The following GALNT13 variants were observed in gnomAD, a reference collection of about 807,000 sequenced individuals.
GALNT13 encodes the protein polypeptide N-acetylgalactosaminyltransferase 13.
Under a neutral mutation model 64.2 loss-of-function variants are expected in GALNT13, and 28 were observed. That is an observed-to-expected ratio of 0.44 (90% CI 0.32 to 0.60). The LOEUF is 0.60. Ranked by LOEUF, GALNT13 falls within the 20% of genes least tolerant of loss-of-function variation. GALNT13 has a pLI of 0.05. For missense variants in GALNT13, 577 were observed against 669.8 expected (o/e 0.86, Z 1.53); for synonymous variants, 214 against 224.6 (o/e 0.95, Z 0.42).
chr2:153,414,468 G>A, the GALNT13 span, among the ~76,000 whole-genome samples: 2,182 of 150,066 alleles, frequency 0.015, 48 homozygotes, highest in African/African-American at 0.05. Flanking sequence ...TAGAAACACA[G>A]GATAAAAAGA....
At chr2:154,005,941 A>T (rs1696220676) in intron 3 of GALNT13, among the ~76,000 whole-genome samples, 1 of 152,186 alleles carries the variant, frequency 6.6e-6, no homozygotes, top group Non-Finnish European at 1.5e-5. Flanking sequence ...CAAGGACCAT[A>T]TAATGAGTAG....
At chr2:153,392,987 A>T in the GALNT13 span, among the ~76,000 whole-genome samples, 1 of 152,070 alleles carries the variant, frequency 6.6e-6, no homozygotes, top group Non-Finnish European at 1.5e-5. Context: ...GTAAGCCCTC[A>T]GAAGACACTG....
At chr2:153,091,727 G>A in the GALNT13 span, among the ~76,000 whole-genome samples, 1 of 152,146 alleles carries the variant, frequency 6.6e-6, no homozygotes, top group Non-Finnish European at 1.5e-5. Flanking sequence ...AGCTCCTTAT[G>A]TAGTCTGGTT....
chr2:153,893,121 T>A lies in GALNT13; in HGVS notation c.-176-7815T>A, dbSNP rs114428219. Among the ~76,000 whole-genome samples, 306 of 152,200 alleles carry A rather than the reference T, an allele frequency of 2.0e-3. 1 individual carries two copies. The highest frequency in any genetic ancestry group is 6.6e-3 in the African/African-American group (275 of 41,554). On this transcript the variant is annotated intron_variant, in intron 1 of 12. Transcript: ENST00000392825. ...GGTTCCAATCATTATAACTACATTTTGAACAGGCGAAGGTCAAAGAGCATA... is the reference window on the plus strand; with the variant it reads ...GGTTCCAATCATTATAACTACATTTAGAACAGGCGAAGGTCAAAGAGCATA...
rs183020025 is a variant in GALNT13, at chr2:154,028,253, T to A, written c.142+83614T>A. On this transcript the variant is annotated intron_variant, in intron 3 of 12. Transcript: ENST00000392825. ...GCATAAGCTCATAGTACATTAAGGC[T>A]TATTATTTTGCCTTTGCTATATTGC... is the stretch of plus-strand genomic sequence containing the variant. Among the ~76,000 whole-genome samples, 40 of 152,320 alleles carry A rather than the reference T, an allele frequency of 2.6e-4. 1 individual carries two copies. In the South Asian group the frequency reaches 4.6e-3, roughly 17 times the overall value.
At chr2:153,864,002 G>A in the GALNT13 span, among the ~76,000 whole-genome samples, 1 of 152,268 alleles carries the variant, frequency 6.6e-6, no homozygotes, top group Admixed American at 6.5e-5. Context: ...AATCCACATT[G>A]CCATAACTGA....
chr2:153,540,332 C>A, the GALNT13 span, among the ~76,000 whole-genome samples: 1 of 152,226 alleles, frequency 6.6e-6, no homozygotes, highest in East Asian at 1.9e-4. Context: ...TGTTTGGAAA[C>A]CTCTGCCTAG....
At chr2:153,261,427 G>A in the GALNT13 span, among the ~76,000 whole-genome samples, 1 of 152,160 alleles carries the variant, frequency 6.6e-6, no homozygotes, top group African/African-American at 2.4e-5. Context: ...GCTTAACCCT[G>A]TTGCTCTTGC....
chr2:153,129,711 A>T, the GALNT13 span, among the ~76,000 whole-genome samples: 1 of 152,008 alleles, frequency 6.6e-6, no homozygotes, highest in Non-Finnish European at 1.5e-5. Context: ...TGGAGGTTGC[A>T]GTGAGCCAAG....
At chr2:153,486,318 G>A in the GALNT13 span, among the ~76,000 whole-genome samples, 2 of 152,130 alleles carry the variant, frequency 1.3e-5, no homozygotes. Flanking sequence ...TTTGATTTTA[G>A]TATTTATATT....
chr2:153,238,164 C>T, the GALNT13 span, among the ~76,000 whole-genome samples: 1 of 152,042 alleles, frequency 6.6e-6, no homozygotes, highest in Admixed American at 6.6e-5. Flanking sequence ...AAGTCTCTTG[C>T]TCATTTTTAA....
At chr2:153,710,744 T>C in the GALNT13 span, among the ~76,000 whole-genome samples, 6 of 152,222 alleles carry the variant, frequency 3.9e-5, no homozygotes, top group South Asian at 8.3e-4. Flanking sequence ...CACTTGTCAA[T>C]AAAGTAATTA....
At chr2:154,325,169 C>T (rs963485466) in intron 9 of GALNT13, among the ~76,000 whole-genome samples, 3 of 151,936 alleles carry the variant, frequency 2.0e-5, no homozygotes, top group African/African-American at 4.8e-5. Context: ...ATTAGAGAGC[C>T]GGGGCCAGTT....
the GALNT13 span, among the ~76,000 whole-genome samples, chr2:153,700,000 C>A: frequency 2.0e-5 from 3 of 152,186 alleles, no homozygotes; most frequent in African/African-American, 7.2e-5. Flanking sequence ...ATGAGGCCAG[C>A]ATCATCCTGA....
At chr2:153,410,730 A>G in the GALNT13 span, among the ~76,000 whole-genome samples, 1 of 152,214 alleles carries the variant, frequency 6.6e-6, no homozygotes, top group Non-Finnish European at 1.5e-5. Context: ...GATAGCTTGA[A>G]TAAAAAGAGT....
chr2:153,770,404 G>T, the GALNT13 span, among the ~76,000 whole-genome samples: 676 of 152,278 alleles, frequency 4.4e-3, 5 homozygotes, highest in Non-Finnish European at 7.5e-3. Flanking sequence ...AATTCTGGTT[G>T]TAGTAGTCAT....
At chr2:153,757,299 T>C in the GALNT13 span, among the ~76,000 whole-genome samples, 7 of 152,172 alleles carry the variant, frequency 4.6e-5, no homozygotes, top group Non-Finnish European at 1.0e-4. Context: ...CTTATTTTAC[T>C]TAGCATAATG....
At chr2:154,285,086 TGTTAA>T (rs752838982) in intron 8 of GALNT13, among the ~76,000 whole-genome samples, 6 of 152,290 alleles carry the variant, frequency 3.9e-5, no homozygotes, top group East Asian at 1.9e-4. Context: ...ATATTTTTGC[TGTTAA>T]GTTGTTTGAA....
the GALNT13 span, among the ~76,000 whole-genome samples, chr2:153,648,291 G>T: frequency 1.3e-5 from 2 of 152,166 alleles, no homozygotes; most frequent in East Asian, 1.9e-4. Context: ...GTATAAGAAT[G>T]CTTGTGATTT....
Sources: allele counts gnomAD v4.1 joint callset (sites outside exome capture counted in the v4.1 genomes callset), GRCh38; gene constraint gnomAD v4.1.1; transcripts MANE v1.5; gene names NCBI Gene and HGNC (gene_info 2026-07-23, HGNC 2026-07-21).